LYG2: variants seen among roughly 807,000 people sequenced by gnomAD.
LYG2 encodes lysozyme g-like protein 2.
In LYG2, 25 loss-of-function variants were observed where a neutral mutation model predicts 22.4. That is an observed-to-expected ratio of 1.12 (90% CI 0.81 to 1.56). The LOEUF (loss-of-function observed/expected upper bound fraction) is 1.56, where lower values mean the gene tolerates loss of function less well. LYG2 is among the 40% of genes most tolerant of loss of function. LYG2 has a pLI of 0.00. For missense variants in LYG2, 266 were observed against 269.5 expected, an observed-to-expected ratio of 0.99 and a Z score of 0.09; for synonymous variants, 88 against 97.0, an observed-to-expected ratio of 0.91 and a Z score of 0.55.
At chr2:99,256,170 T>TC (rs745356309), upstream of LYG2, among the ~76,000 whole-genome samples, 13 of 152,040 alleles carry the variant, frequency 8.6e-5, no homozygotes, top group Non-Finnish European at 1.8e-4. Flanking sequence ...CCACCTCCAC[T>TC]CCCAGGAGAA....
At chr2:99,249,685 CAGG>C (rs1189649472) in intron 3 of LYG2, among the ~76,000 whole-genome samples, 1 of 148,220 alleles carries the variant, frequency 6.7e-6, no homozygotes, top group African/African-American at 2.5e-5. Context: ...CGCTTGAACC[CAGG>C]AGGAGGAGGA....
chr2:99,243,938 A>G (rs771663635), intron 6 of LYG2, 61 bp downstream of exon 6: 30 of 1,598,118 alleles, frequency 1.9e-5, no homozygotes, highest in Non-Finnish European at 2.6e-5. Context: ...CTCGGGTCAC[A>G]CTGGCCTTCA....
At chr2:99,253,511 A>G (rs1227102433) in intron 3 of LYG2, among the ~76,000 whole-genome samples, 1 of 152,164 alleles carries the variant, frequency 6.6e-6, no homozygotes, top group African/African-American at 2.4e-5. Context: ...CAACTTGAAC[A>G]TTGCTCATAA....
chr2:99,251,877 G>T (rs979395876), intron 3 of LYG2, among the ~76,000 whole-genome samples: 1 of 140,186 alleles, frequency 7.1e-6, no homozygotes, highest in Non-Finnish European at 1.6e-5. Context: ...TCACTCTGTC[G>T]CCCAGGCTGG....
rs1458434707 is a variant in LYG2, at chr2:99,242,496, C to T, written c.521-14G>A. The T allele has an allele frequency of 6.5e-7, 1 of 1,526,820 alleles. No individual in the cohort carries two copies. Among genetic ancestry groups the T allele is most frequent in the Admixed American group, 1.7e-5 (1 of 59,076 alleles). 94.6% of individuals were successfully genotyped at this position (1,526,820 alleles called of 1,614,324 possible). A position where few individuals can be genotyped will look rare whatever the true frequency, so the allele number is the denominator to read the frequency against. On this transcript the variant is annotated splice_polypyrimidine_tract_variant and intron_variant, in intron 6 of 6. Coordinates refer to ENST00000333017, the MANE Select transcript of LYG2 (RefSeq NM_175735.4). ...CTGAGAGACCACCTGAAATGAAACA[C>T]AGAGAATTAGGCTCAAATATTAACT...
chr2:99,249,797 CT>C (rs1309277636), intron 3 of LYG2, among the ~76,000 whole-genome samples: 2 of 147,684 alleles, frequency 1.4e-5, no homozygotes, highest in East Asian at 4.1e-4. Flanking sequence ...AATCTAACCA[CT>C]TCTCCCACCT....
At chr2:99,261,450 C>T in the LYG2 span, among the ~76,000 whole-genome samples, 2 of 152,202 alleles carry the variant, frequency 1.3e-5, no homozygotes, top group Non-Finnish European at 2.9e-5. Flanking sequence ...AGTGCTTGCT[C>T]ACTCCCTCGT....
At chr2:99,248,514 A>G (rs191683289) in intron 3 of LYG2, among the ~76,000 whole-genome samples, 75 of 148,470 alleles carry the variant, frequency 5.1e-4, no homozygotes, top group African/African-American at 1.8e-3. Context: ...GTTCTCACTC[A>G]TAGGTGGGAA....
intron 1 of LYG2, among the ~76,000 whole-genome samples, 92 bp downstream of exon 1, chr2:99,255,511 A>G (rs1008296133): frequency 2.0e-5 from 3 of 152,246 alleles, no homozygotes; most frequent in African/African-American, 7.2e-5. Context: ...TGTGCCAAAC[A>G]GCTTCTAAAT....
chr2:99,253,048 C>CAAAAAAAAAAAAAAAAAAAAAA lies in LYG2; in HGVS notation c.43+1169_43+1170insTTTTTTTTTTTTTTTTTTTTTT. Among the ~76,000 whole-genome samples the CAAAAAAAAAAAAAAAAAAAAAA allele has an allele frequency of 3.0e-5, 2 of 67,284 alleles. 1 individual carries two copies. The highest frequency in any genetic ancestry group is 5.6e-5 in the Non-Finnish European group (2 of 35,998). 44.1% of individuals were successfully genotyped at this position (67,284 alleles called of 152,430 possible). ...TGGGCGACAGAGCAAGACTCTGTCT[C>CAAAAAAAAAAAAAAAAAAAAAA]AAAAAAAAAAAAAAAAAAAAAGGCT... On this transcript the variant is annotated intron_variant, in intron 3 of 6. Coordinates refer to ENST00000333017, the MANE Select transcript of LYG2 (RefSeq NM_175735.4).
chr2:99,243,815 T>C (rs562552701), intron 6 of LYG2, 184 bp downstream of exon 6: 9 of 643,784 alleles, frequency 1.4e-5, no homozygotes, highest in Non-Finnish European at 2.4e-5. Context: ...GAAATGGAGG[T>C]TGAGGATGGA....
upstream of LYG2, among the ~76,000 whole-genome samples, chr2:99,256,478 G>A (rs1456286583): frequency 3.3e-5 from 5 of 152,274 alleles, no homozygotes; most frequent in South Asian, 2.1e-4. Context: ...ATGACCCAGC[G>A]ACATTGTGCC....
upstream of LYG2, among the ~76,000 whole-genome samples, chr2:99,257,838 A>G (rs1028068088): frequency 1.3e-5 from 2 of 152,168 alleles, no homozygotes; most frequent in Non-Finnish European, 2.9e-5. Flanking sequence ...GAAAACTTCA[A>G]TGGGAAAGTT....
chr2:99,250,541 AT>A (rs1207786028), intron 3 of LYG2, among the ~76,000 whole-genome samples: 1 of 151,982 alleles, frequency 6.6e-6, no homozygotes, highest in East Asian at 1.9e-4. Flanking sequence ...CACCCGGCTA[AT>A]TTTTTGTATT....
chr2:99,254,427 G>T lies in LYG2; in HGVS notation c.-25-142C>A. The T allele has an allele frequency of 7.1e-6, 3 of 424,382 alleles. No homozygotes were observed. The Admixed American group carries it at 1.5e-4, about 21-fold the overall frequency. 26.3% of individuals were successfully genotyped at this position (424,382 alleles called of 1,614,324 possible). A position where few individuals can be genotyped will look rare whatever the true frequency, so the allele number is the denominator to read the frequency against. On this transcript the variant is annotated intron_variant, in intron 2 of 6. Coordinates refer to ENST00000333017, the MANE Select transcript of LYG2 (RefSeq NM_175735.4). ...CTGTTTCAAGATAGTATTCTCACAG[G>T]CTCAGTACATAGTTTGTTGGCACAC...
At position 99,254,241 on chromosome 2, in the gene LYG2, A is replaced by T. The variant is rs2707639; in HGVS notation, c.20T>A (p.Phe7Tyr). 10 of 1,614,072 alleles carry T rather than the reference A, an allele frequency of 6.2e-6. No individual in the cohort carries two copies. The highest frequency in any genetic ancestry group is 8.5e-6 in the Non-Finnish European group (10 of 1,179,972). MLSSVV[F>Y]WGLIALIGTS... is the part of the protein sequence containing the mutation. The stretch of plus-strand genomic sequence containing the variant: ...ACCAATGAGGGCAATTAGTCCCCAA[A>T]ACACCACGGAGGATAACATGGCGGG... The change falls in exon 3 of 7, where the codon TTT becomes TAT. Residue 7 changes from phenylalanine to tyrosine, a missense_variant. Coordinates refer to ENST00000333017, the MANE Select transcript of LYG2 (RefSeq NM_175735.4).
At chr2:99,251,508 G>A (rs2094026596) in intron 3 of LYG2, among the ~76,000 whole-genome samples, 1 of 152,304 alleles carries the variant, frequency 6.6e-6, no homozygotes, top group African/African-American at 2.4e-5. Context: ...TTTAGTGTAA[G>A]ATAGCAGAGG....
At chr2:99,260,961 A>C in the LYG2 span, among the ~76,000 whole-genome samples, 1 of 152,212 alleles carries the variant, frequency 6.6e-6, no homozygotes, top group African/African-American at 2.4e-5. Context: ...AACGGAGAGC[A>C]TGTGGAAAAG....
chr2:99,244,823 T>C (rs2094012756), intron 5 of LYG2, among the ~76,000 whole-genome samples: 1 of 152,066 alleles, frequency 6.6e-6, no homozygotes, highest in Non-Finnish European at 1.5e-5. Context: ...CAAATTATGC[T>C]GGAGTGGCCG....
Sources: gnomAD v4.1 joint callset for allele counts (sites outside exome capture counted in the v4.1 genomes callset) on GRCh38, gnomAD v4.1.1 for gene constraint, MANE v1.5 for transcripts, NCBI Gene and HGNC (gene_info 2026-07-23, HGNC 2026-07-21) for gene names.